NAV3: variants seen among roughly 807,000 people sequenced by gnomAD.
NAV3 encodes pore membrane and/or filament interacting like protein 1.
NAV3 carries 87 observed loss-of-function variants against 244.7 expected under a neutral mutation model. The observed-to-expected ratio is 0.36, with a 90% CI of 0.30 to 0.42. The LOEUF is 0.42. NAV3 is among the 20% of genes least tolerant of loss of function. The pLI is 1.00. For synonymous variants in NAV3, 1,126 were observed against 1,042.2 expected (o/e 1.08, Z -1.55); for missense variants, 2,663 against 2,893.3 (o/e 0.92, Z 1.83).
chr12:77,765,016 A>G (rs1199692907), intron 2 of NAV3, among the ~76,000 whole-genome samples: 1 of 152,284 alleles, frequency 6.6e-6, no homozygotes, highest in African/African-American at 2.4e-5. Context: ...GAATCATAAA[A>G]CATTATGAAG....
At chr12:77,957,272 C>A (rs1891453063) in intron 3 of NAV3, among the ~76,000 whole-genome samples, 1 of 152,196 alleles carries the variant, frequency 6.6e-6, no homozygotes, top group Admixed American at 6.5e-5. Context: ...TATATCCCTT[C>A]ACCATTGAGC....
At chr12:77,834,985 C>T (rs886630764) in intron 1 of NAV3, among the ~76,000 whole-genome samples, 2 of 152,028 alleles carry the variant, frequency 1.3e-5, no homozygotes, top group Non-Finnish European at 2.9e-5. Context: ...GTCAACATAA[C>T]AATAGCATAA....
chr12:78,016,033 C>G (rs1247574142), intron 8 of NAV3, among the ~76,000 whole-genome samples: 4 of 152,124 alleles, frequency 2.6e-5, no homozygotes, highest in Non-Finnish European at 5.9e-5. Context: ...CTGGCTGTGT[C>G]TCCTTTCCAA....
At chr12:77,611,455 T>C (rs1443924636) in intron 2 of NAV3, among the ~76,000 whole-genome samples, 3 of 151,918 alleles carry the variant, frequency 2.0e-5, no homozygotes, top group East Asian at 1.9e-4. Flanking sequence ...TTTTCTCCTA[T>C]AAAATATTTT....
At chr12:77,886,748 TTACA>T (rs1364297090) in intron 1 of NAV3, among the ~76,000 whole-genome samples, 1 of 152,180 alleles carries the variant, frequency 6.6e-6, no homozygotes, top group Non-Finnish European at 1.5e-5. Flanking sequence ...TCTTTTTTTC[TTACA>T]TAAATATCTA....
intron 2 of NAV3, among the ~76,000 whole-genome samples, chr12:77,771,323 A>G (rs1226606692): frequency 1.3e-5 from 2 of 152,230 alleles, no homozygotes; most frequent in Non-Finnish European, 2.9e-5. Context: ...GTGGGACTAT[A>G]AACTAGTTCA....
At chr12:77,983,858 G>A (rs569811493) in intron 5 of NAV3, among the ~76,000 whole-genome samples, 2 of 152,210 alleles carry the variant, frequency 1.3e-5, no homozygotes, top group African/African-American at 2.4e-5. Flanking sequence ...GAGACATTTT[G>A]TTCTTGTCTT....
chr12:78,171,511 A>C (rs954116399), intron 24 of NAV3, among the ~76,000 whole-genome samples: 1 of 151,634 alleles, frequency 6.6e-6, no homozygotes, highest in Non-Finnish European at 1.5e-5. Flanking sequence ...AATATGAAAA[A>C]ATAATTTGCT....
intron 1 of NAV3, among the ~76,000 whole-genome samples, chr12:77,890,312 C>T (rs1389784253): frequency 6.6e-6 from 1 of 151,782 alleles, no homozygotes; most frequent in African/African-American, 2.4e-5. Context: ...GATGGGGTTT[C>T]ACCCTGTTGC....
chr12:78,078,480 C>G (rs976931025), intron 12 of NAV3, among the ~76,000 whole-genome samples: 10 of 144,026 alleles, frequency 6.9e-5, no homozygotes, highest in African/African-American at 2.3e-4. Context: ...ACCGCAAGCT[C>G]CGCCTCCCGG....
chr12:77,626,183 G>T (rs893676469), intron 2 of NAV3, among the ~76,000 whole-genome samples: 6 of 151,894 alleles, frequency 4.0e-5, no homozygotes, highest in African/African-American at 1.5e-4. Flanking sequence ...CAGGAAGGAT[G>T]AGATTAAGTA....
chr12:77,807,409 G>T (rs2135988802), intron 2 of NAV3, among the ~76,000 whole-genome samples: 1 of 152,268 alleles, frequency 6.6e-6, no homozygotes, highest in Non-Finnish European at 1.5e-5. Context: ...TGTCTGTAAA[G>T]GATTTCATTT....
intron 3 of NAV3, among the ~76,000 whole-genome samples, chr12:77,958,861 A>T (rs1891610541): frequency 6.6e-6 from 1 of 152,182 alleles, no homozygotes; most frequent in Admixed American, 6.6e-5. Flanking sequence ...ACATAATAAT[A>T]GCAAGTAAAT....
chr12:78,151,632 A>G (rs1435638354), intron 22 of NAV3, among the ~76,000 whole-genome samples: 1 of 151,912 alleles, frequency 6.6e-6, no homozygotes, highest in Non-Finnish European at 1.5e-5. Flanking sequence ...CTAAGGATGA[A>G]GGAGAGAGAG....
At chr12:78,097,658 T>C (rs1954324744) in intron 12 of NAV3, among the ~76,000 whole-genome samples, 1 of 152,188 alleles carries the variant, frequency 6.6e-6, no homozygotes, top group Non-Finnish European at 1.5e-5. Flanking sequence ...CTTTTGTAAT[T>C]TTGTTTTTAA....
At chr12:78,141,403 G>A (rs1956607621) in intron 20 of NAV3, among the ~76,000 whole-genome samples, 1 of 152,124 alleles carries the variant, frequency 6.6e-6, no homozygotes, top group South Asian at 2.1e-4. Flanking sequence ...GCAGCCTACT[G>A]AATCTCAATG....
At chr12:77,632,792 A>G (rs1871972388) in intron 2 of NAV3, among the ~76,000 whole-genome samples, 9 of 152,134 alleles carry the variant, frequency 5.9e-5, no homozygotes, top group Admixed American at 5.9e-4. Context: ...CTATCAATTT[A>G]TATGTATATT....
At chr12:78,122,854 T>C (rs1427586384) in intron 16 of NAV3, among the ~76,000 whole-genome samples, 2 of 151,674 alleles carry the variant, frequency 1.3e-5, no homozygotes, top group Non-Finnish European at 2.9e-5. Context: ...GTTCCATTTG[T>C]ACTTCTATGA....
chr12:78,049,481 C>T (rs1593390049), intron 9 of NAV3, among the ~76,000 whole-genome samples: 1 of 152,182 alleles, frequency 6.6e-6, no homozygotes, highest in South Asian at 2.1e-4. Context: ...CAACCCTTTG[C>T]ACTTCCCAGG....
Sources: allele counts gnomAD v4.1 joint callset (sites outside exome capture counted in the v4.1 genomes callset), GRCh38; gene constraint gnomAD v4.1.1; transcripts MANE v1.5; gene names NCBI Gene and HGNC (gene_info 2026-07-23, HGNC 2026-07-21).